The following SCIN variants were observed in gnomAD, a reference collection of about 807,000 sequenced individuals.
SCIN encodes adseverin.
SCIN carries 91 observed loss-of-function variants against 91.8 expected under a neutral mutation model. That is an observed-to-expected ratio of 0.99 (90% CI 0.84 to 1.18). The LOEUF (loss-of-function observed/expected upper bound fraction) is 1.18. SCIN is among the 50% of genes most tolerant of loss of function. The pLI is 0.00. For synonymous variants in SCIN, 367 were observed against 312.6 expected (o/e 1.17, Z -1.84); for missense variants, 1,087 against 863.9 (o/e 1.26, Z -3.24).
At chr7:12,600,319 A>G (rs1015132158) in intron 3 of SCIN, among the ~76,000 whole-genome samples, 1 of 152,314 alleles carries the variant, frequency 6.6e-6, no homozygotes, top group South Asian at 2.1e-4. Flanking sequence ...CAAAGGCATA[A>G]GAATAATACA....
chr7:12,600,016 T>G (rs1180772540), intron 3 of SCIN, among the ~76,000 whole-genome samples: 1 of 152,208 alleles, frequency 6.6e-6, no homozygotes, highest in African/African-American at 2.4e-5. Context: ...TTTAGTTTAG[T>G]TAAGTCCTAT....
chr7:12,571,678 A>G, intron 1 of SCIN: 2 of 405,696 alleles, frequency 4.9e-6, no homozygotes, highest in Non-Finnish European at 5.0e-6. Flanking sequence ...CTATATGGGT[A>G]TTTCATATAT....
intron 9 of SCIN, among the ~76,000 whole-genome samples, chr7:12,629,553 G>T (rs1783601303): frequency 6.6e-6 from 1 of 152,030 alleles, no homozygotes; most frequent in South Asian, 2.1e-4. Context: ...AGGTACCATG[G>T]TTTCTTATGG....
chr7:12,578,314 G>T, intron 2 of SCIN, 96 bp downstream of exon 2: 1 of 1,158,404 alleles, frequency 8.6e-7, no homozygotes, highest in Non-Finnish European at 1.2e-6. Context: ...TGAGGGCAGG[G>T]GTTTTTGTTT....
At position 12,644,744 on chromosome 7, in the gene SCIN, G is replaced by A. The variant is rs545488528; in HGVS notation, c.1881+39G>A. ...AAAATAGTGCGATAGGGCTGGTTGC[G>A]GTGGCTCATGCCTGTAATCCCAGCA... is the stretch of plus-strand genomic sequence containing the variant. On this transcript the variant is annotated intron_variant, in intron 13 of 15. Transcript: ENST00000297029. 69 of 1,539,872 alleles carry A rather than the reference G, an allele frequency of 4.5e-5. No homozygotes were observed. In the East Asian group the frequency reaches 5.7e-4, roughly 13 times the overall value.
intron 3 of SCIN, among the ~76,000 whole-genome samples, chr7:12,590,331 G>A (rs555653628): frequency 2.6e-5 from 4 of 152,294 alleles, no homozygotes; most frequent in African/African-American, 7.2e-5. Context: ...CTGAGGGGAT[G>A]TGTAGGGATG....
chr7:12,632,111 T>G (rs1783656342), intron 9 of SCIN, among the ~76,000 whole-genome samples: 1 of 144,052 alleles, frequency 6.9e-6, no homozygotes, highest in Non-Finnish European at 1.5e-5. Context: ...TTTATTTTAT[T>G]TTATTTTATT....
At chr7:12,617,258 A>G (rs571252810) in intron 4 of SCIN, among the ~76,000 whole-genome samples, 22 of 152,258 alleles carry the variant, frequency 1.4e-4, no homozygotes, top group Admixed American at 1.2e-3. Flanking sequence ...TATGCTAGTC[A>G]TAGTAATAAT....
rs1417762038 is a variant in SCIN at position 12,625,777 on chromosome 7, C to A, written c.908C>A (p.Pro303His). The A allele has an allele frequency of 6.2e-7, 1 of 1,609,798 alleles. No homozygotes were observed. The highest frequency in any genetic ancestry group is 1.3e-5 in the African/African-American group (1 of 74,774). The change falls in exon 7 of 16, where the codon CCC (proline) becomes CAC (histidine). Residue 303 changes from proline to histidine, a missense_variant. Transcript: ENST00000297029. ...TGTATTTTAGGTAAAGATGCTAATCCCCAAGAGAGGAAGGCTGCAATGAAG... is the reference window on the plus strand; with the variant it reads ...TGTATTTTAGGTAAAGATGCTAATCACCAAGAGAGGAAGGCTGCAATGAAG... ...IFVWKGKDAN[P>H]QERKAAMKTA...
intron 4 of SCIN, among the ~76,000 whole-genome samples, chr7:12,618,767 A>ACG (rs1783348582): frequency 6.6e-6 from 1 of 152,136 alleles, no homozygotes; most frequent in Admixed American, 6.6e-5. Context: ...CACTCTACTG[A>ACG]TTGTTTCTCA....
intron 4 of SCIN, among the ~76,000 whole-genome samples, chr7:12,619,330 G>T (rs559807821): frequency 2.0e-5 from 3 of 152,232 alleles, no homozygotes; most frequent in South Asian, 4.1e-4. Flanking sequence ...CAGTGTAAAT[G>T]TTGGAAGTTT....
chr7:12,639,533 A>C (rs768519575), intron 10 of SCIN, among the ~76,000 whole-genome samples: 1 of 152,230 alleles, frequency 6.6e-6, no homozygotes, highest in Non-Finnish European at 1.5e-5. Context: ...TGGGAGACTG[A>C]CATGAAATTT....
chr7:12,606,451 T>A (rs1452138959), intron 4 of SCIN, among the ~76,000 whole-genome samples: 2 of 152,210 alleles, frequency 1.3e-5, no homozygotes, highest in Non-Finnish European at 2.9e-5. Flanking sequence ...GATCAGAAAT[T>A]ATATGAAATA....
intron 3 of SCIN, among the ~76,000 whole-genome samples, chr7:12,586,689 A>G (rs1231486220): frequency 6.6e-6 from 1 of 152,230 alleles, no homozygotes; most frequent in African/African-American, 2.4e-5. Flanking sequence ...ATAAATATCC[A>G]TAAACAGGTG....
At chr7:12,626,463 G>A (rs1029699077) in intron 7 of SCIN, 121 bp from the exon 8 acceptor site, 7 of 774,296 alleles carry the variant, frequency 9.0e-6, no homozygotes, top group Non-Finnish European at 1.4e-5. Flanking sequence ...TGGATTATAT[G>A]AGCTTGATAG....
At chr7:12,610,219 G>A (rs985001028) in intron 4 of SCIN, among the ~76,000 whole-genome samples, 4 of 152,206 alleles carry the variant, frequency 2.6e-5, no homozygotes, top group East Asian at 1.9e-4. Flanking sequence ...ATAATTCACA[G>A]TATGAAAACA....
At chr7:12,644,103 T>A (rs1446186609) in intron 11 of SCIN, 35 bp from the exon 12 acceptor site, 1 of 1,572,408 alleles carries the variant, frequency 6.4e-7, no homozygotes, top group Non-Finnish European at 8.7e-7. Context: ...CAGCAATGAA[T>A]TTGAATCATT....
At chr7:12,591,896 C>T (rs1229292292) in intron 3 of SCIN, among the ~76,000 whole-genome samples, 2 of 151,948 alleles carry the variant, frequency 1.3e-5, no homozygotes, top group Non-Finnish European at 1.5e-5. Context: ...GACCCTATAC[C>T]CTTTGATAGC....
At chr7:12,592,857 A>T (rs940291775) in intron 3 of SCIN, among the ~76,000 whole-genome samples, 5 of 152,130 alleles carry the variant, frequency 3.3e-5, no homozygotes, top group African/African-American at 1.2e-4. Context: ...ACTATCAATT[A>T]AAAAAGAGAT....
Sources: gnomAD v4.1 joint callset for allele counts (sites outside exome capture counted in the v4.1 genomes callset) on GRCh38, gnomAD v4.1.1 for gene constraint, MANE v1.5 for transcripts, NCBI Gene and HGNC (gene_info 2026-07-23, HGNC 2026-07-21) for gene names.